Variants in ARHGEF10L observed in about 807,000 individuals in gnomAD.
ARHGEF10L encodes Rho guanine nucleotide exchange factor 10 like.
In ARHGEF10L, 69 loss-of-function variants were observed where a neutral mutation model predicts 141.2. The observed-to-expected ratio is 0.49, with a 90% confidence interval of 0.40 to 0.60. The LOEUF (loss-of-function observed/expected upper bound fraction) is 0.60. ARHGEF10L is among the 20% of genes least tolerant of loss of function. ARHGEF10L has a pLI of 0.00. For missense variants in ARHGEF10L, 1,482 were observed against 1,734.3 expected (o/e 0.85, Z 2.58); for synonymous variants, 711 against 718.5 (o/e 0.99, Z 0.17).
intron 9 of ARHGEF10L, among the ~76,000 whole-genome samples, chr1:17,618,075 G>A (rs1466541963): frequency 6.6e-6 from 1 of 152,350 alleles, no homozygotes; most frequent in East Asian, 1.9e-4. Flanking sequence ...CTCAGTGAAT[G>A]TCCATGTTCC....
At chr1:17,538,693 T>TAAA (rs35238374), upstream of ARHGEF10L, among the ~76,000 whole-genome samples, 1 of 129,602 alleles carries the variant, frequency 7.7e-6, no homozygotes, top group African/African-American at 2.9e-5. Flanking sequence ...AGGGAGTAGT[T>TAAA]AAAAAAAAAA....
chr1:17,598,800 T>C (rs2080360363), intron 4 of ARHGEF10L, among the ~76,000 whole-genome samples: 1 of 151,714 alleles, frequency 6.6e-6, no homozygotes, highest in African/African-American at 2.4e-5. Flanking sequence ...AAATGGTAGC[T>C]AAACAGGCAA....
At chr1:17,672,427 G>A (rs564763506) in intron 26 of ARHGEF10L, among the ~76,000 whole-genome samples, 1 of 152,296 alleles carries the variant, frequency 6.6e-6, no homozygotes, top group African/African-American at 2.4e-5. Flanking sequence ...AAATTGGCGT[G>A]AGGGTGAAAA....
At chr1:17,519,584 TGACAGA>T in the ARHGEF10L span, among the ~76,000 whole-genome samples, 4 of 151,814 alleles carry the variant, frequency 2.6e-5, no homozygotes, top group African/African-American at 4.8e-5. Flanking sequence ...CGCCACTGTG[TGACAGA>T]GAGAGCCCTT....
intron 26 of ARHGEF10L, among the ~76,000 whole-genome samples, chr1:17,664,886 T>A (rs2062870754): frequency 6.6e-6 from 1 of 152,150 alleles, no homozygotes; most frequent in Admixed American, 6.5e-5. Context: ...GGGGTCCCTG[T>A]CCTTGGACTG....
At chr1:17,568,341 T>C (rs2077847676) in intron 1 of ARHGEF10L, among the ~76,000 whole-genome samples, 1 of 152,206 alleles carries the variant, frequency 6.6e-6, no homozygotes, top group South Asian at 2.1e-4. Context: ...ATTCTTATAG[T>C]TGTCATTGTA....
In ARHGEF10L at chr1:17,632,237, C is replaced by T. The variant is rs530470492; in HGVS notation, c.1585-84C>T. Reference sequence around the variant, plus strand: ...CTCCCAGCCTCAGTCTCCCTTTCTGCACCATGGGAGGATTCTGGGTCTCCG... The same window carrying T: ...CTCCCAGCCTCAGTCTCCCTTTCTGTACCATGGGAGGATTCTGGGTCTCCG... On this transcript the variant is annotated intron_variant, in intron 15 of 28. Transcript: ENST00000361221. 10 of 1,557,836 alleles carry T rather than the reference C, an allele frequency of 6.4e-6. No individual in the cohort carries two copies. The East Asian group carries it at 2.3e-4, about 35-fold the overall frequency.
chr1:17,682,666 C>T (rs892044132), intron 26 of ARHGEF10L, among the ~76,000 whole-genome samples: 2 of 152,030 alleles, frequency 1.3e-5, no homozygotes, highest in Non-Finnish European at 1.5e-5. Flanking sequence ...GCAGGGTGAG[C>T]GCTCACCCAG....
At chr1:17,542,032 G>T (rs891264332) in intron 1 of ARHGEF10L, among the ~76,000 whole-genome samples, 1 of 152,124 alleles carries the variant, frequency 6.6e-6, no homozygotes, top group Non-Finnish European at 1.5e-5. Flanking sequence ...CCAGCTATTT[G>T]GGAGGCTGAG....
At chr1:17,646,121 G>A (rs542602374) in intron 21 of ARHGEF10L, among the ~76,000 whole-genome samples, 33 of 152,330 alleles carry the variant, frequency 2.2e-4, no homozygotes, top group African/African-American at 7.7e-4. Context: ...GTGTGAGCCC[G>A]CCGGGTGCTG....
chr1:17,665,715 C>T (rs934209859), intron 26 of ARHGEF10L, among the ~76,000 whole-genome samples: 1 of 152,258 alleles, frequency 6.6e-6, no homozygotes, highest in Non-Finnish European at 1.5e-5. Context: ...CAGGGTTGTC[C>T]AGAGGAACAG....
the ARHGEF10L span, among the ~76,000 whole-genome samples, chr1:17,521,426 C>A: frequency 1.3e-5 from 2 of 152,196 alleles, no homozygotes; most frequent in East Asian, 1.9e-4. Flanking sequence ...AAACTCCCGA[C>A]CTCAGTTGAT....
intron 2 of ARHGEF10L, among the ~76,000 whole-genome samples, chr1:17,585,930 T>C (rs2078985991): frequency 6.6e-6 from 1 of 152,160 alleles, no homozygotes; most frequent in South Asian, 2.1e-4. Flanking sequence ...TCATAATCCT[T>C]ACATATACGG....
chr1:17,525,872 G>A, the ARHGEF10L span, among the ~76,000 whole-genome samples: 4 of 151,176 alleles, frequency 2.6e-5, no homozygotes, highest in African/African-American at 9.7e-5. Flanking sequence ...GTGTGGTGGC[G>A]TGCGCCTGTG....
At chr1:17,552,997 T>C (rs929728233) in intron 1 of ARHGEF10L, among the ~76,000 whole-genome samples, 7 of 152,178 alleles carry the variant, frequency 4.6e-5, no homozygotes, top group Non-Finnish European at 8.8e-5. Context: ...CCACTTGACT[T>C]TGGGACACCC....
intron 10 of ARHGEF10L, among the ~76,000 whole-genome samples, chr1:17,620,498 C>T (rs1161924447): frequency 2.6e-5 from 4 of 152,188 alleles, no homozygotes; most frequent in East Asian, 1.9e-4. Context: ...CTCTGGGTGC[C>T]ACTTGAGTAC....
intron 25 of ARHGEF10L, among the ~76,000 whole-genome samples, chr1:17,658,738 A>G (rs2062426312): frequency 6.6e-6 from 1 of 152,086 alleles, no homozygotes; most frequent in South Asian, 2.1e-4. Flanking sequence ...GTAAACAAGC[A>G]GAAGTATAAG....
intron 9 of ARHGEF10L, 106 bp downstream of exon 9, chr1:17,616,308 C>T: frequency 1.1e-6 from 1 of 951,430 alleles, no homozygotes; most frequent in Non-Finnish European, 1.6e-6. Flanking sequence ...GTGGGTACCA[C>T]TTGGCGTATG....
intron 4 of ARHGEF10L, among the ~76,000 whole-genome samples, chr1:17,600,881 C>A (rs796368805): frequency 6.6e-6 from 1 of 152,060 alleles, no homozygotes; most frequent in African/African-American, 2.4e-5. Context: ...GAAACCCCAT[C>A]TCTACCAAAA....
Sources: gnomAD v4.1 joint callset for allele counts (sites outside exome capture counted in the v4.1 genomes callset) on GRCh38, gnomAD v4.1.1 for gene constraint, MANE v1.5 for transcripts, NCBI Gene and HGNC (gene_info 2026-07-23, HGNC 2026-07-21) for gene names.